Variants in ABR observed in about 807,000 individuals in gnomAD.
ABR encodes ABR activator of RhoGEF and GTPase, also known as active breakpoint cluster region-related protein.
Under a neutral mutation model 107.2 loss-of-function variants are expected in ABR, and 35 were observed. That is an observed-to-expected ratio of 0.33 (90% CI 0.25 to 0.43). The LOEUF (loss-of-function observed/expected upper bound fraction) is 0.43. ABR is among the 20% of genes least tolerant of loss of function. The probability of loss-of-function intolerance (pLI) is 1.00; values close to 1 mark genes in which losing one functional copy is unlikely to be tolerated. For synonymous variants in ABR, 498 were observed against 462.0 expected, an observed-to-expected ratio of 1.08 and a Z score of -1.00; for missense variants, 815 against 1,115.2, an observed-to-expected ratio of 0.73 and a Z score of 3.83.
chr17:1,204,257 C>T (rs955008518), intron 1 of ABR, among the ~76,000 whole-genome samples: 1 of 152,216 alleles, frequency 6.6e-6, no homozygotes, highest in Non-Finnish European at 1.5e-5. Flanking sequence ...CCAGCCTGGA[C>T]GGCATGGTGA....
intron 1 of ABR, among the ~76,000 whole-genome samples, chr17:1,133,595 T>C (rs1353515371): frequency 1.3e-5 from 2 of 152,090 alleles, no homozygotes; most frequent in African/African-American, 4.8e-5. Context: ...AGTAAAAACA[T>C]ACGTGCATAG....
chr17:1,086,216 T>C (rs2036581874), intron 4 of ABR, among the ~76,000 whole-genome samples: 1 of 152,172 alleles, frequency 6.6e-6, no homozygotes, highest in Non-Finnish European at 1.5e-5. Flanking sequence ...CTATTTCCAT[T>C]AGACAGCAGT....
chr17:1,058,070 G>T (rs749183426), intron 11 of ABR, 25 bp from the exon 12 acceptor site: 3 of 1,589,748 alleles, frequency 1.9e-6, no homozygotes, highest in Non-Finnish European at 2.6e-6. Context: ...TAAGCATAAA[G>T]TGGGTGACCA....
At position 1,005,751 on chromosome 17, in the gene ABR, C is replaced by T. The variant is rs577039680; in HGVS notation, c.*329G>A. ...TGCTGGAGGAAATGAAAGAACAAAG[C>T]GGGCTGTCTGTGTGCCCACGCCGGG... On this transcript the variant is annotated 3_prime_UTR_variant, in exon 23 of 23. Coordinates refer to ENST00000302538, the MANE Select transcript of ABR (RefSeq NM_021962.5). 1.6e-4 allele frequency: 59 copies of T among 371,748 alleles called. No individual in the cohort carries two copies. The highest frequency in any genetic ancestry group is 9.8e-4 in the African/African-American group (47 of 47,964). 23.0% of individuals were successfully genotyped at this position (371,748 alleles called of 1,614,324 possible).
intron 1 of ABR, among the ~76,000 whole-genome samples, chr17:1,204,901 C>CTTTTTTTTTTTTTTTTTT (rs869034249): frequency 6.2e-5 from 2 of 32,118 alleles, no homozygotes; most frequent in African/African-American, 2.2e-4. Flanking sequence ...TTTTCTTTTT[C>CTTTTTTTTTTTTTTTTTT]TTTTTTTTTT....
rs796557931 is a variant in ABR at position 1,034,785 on chromosome 17, A to G, written c.1791+15265T>C. On this transcript the variant is annotated intron_variant, in intron 16 of 22. Coordinates refer to ENST00000302538, the MANE Select transcript of ABR (RefSeq NM_021962.5). Reference sequence around the variant, plus strand: ...TTCAGAATCGGCCCCTCACTGGCCTATGGTCCCCTTCCCTCGGGCTGGGTC... The same window carrying G: ...TTCAGAATCGGCCCCTCACTGGCCTGTGGTCCCCTTCCCTCGGGCTGGGTC... Among the ~76,000 whole-genome samples the G allele has an allele frequency of 7.9e-5, 12 of 152,202 alleles. 2 individuals are homozygous for G. The highest frequency in any genetic ancestry group is 2.9e-4 in the African/African-American group (12 of 41,522).
intron 16 of ABR, among the ~76,000 whole-genome samples, chr17:1,047,987 C>G (rs1006108526): frequency 1.3e-5 from 2 of 152,242 alleles, no homozygotes; most frequent in Admixed American, 1.3e-4. Flanking sequence ...CCACCAGTGG[C>G]CCAGGGAGTG....
At chr17:1,208,766 T>C (rs1488790941) in intron 1 of ABR, among the ~76,000 whole-genome samples, 5 of 151,856 alleles carry the variant, frequency 3.3e-5, no homozygotes, top group Admixed American at 6.6e-5. Flanking sequence ...CGGGCGCCTG[T>C]AGTCCCAGCT....
intron 1 of ABR, among the ~76,000 whole-genome samples, chr17:1,171,101 T>C (rs994124287): frequency 4.6e-5 from 7 of 152,152 alleles, no homozygotes; most frequent in African/African-American, 1.7e-4. Context: ...CTCAAAAAGA[T>C]GACGTATGGG....
Position 1,071,451 on chromosome 17 carries a change from G to T in ABR, c.894+1163C>A, listed in dbSNP as rs935703726. Among the ~76,000 whole-genome samples, 3 of 152,156 alleles carry T rather than the reference G, an allele frequency of 2.0e-5. No homozygotes were observed. Among genetic ancestry groups the T allele is most frequent in the Non-Finnish European group, 2.9e-5 (2 of 68,032 alleles). ...CCCTGGACAGGAAGCCTTTCACCCG[G>T]GCCCGGCTGCCAATCCACGAAGGCA... On this transcript the variant is annotated intron_variant, in intron 8 of 22. Transcript: ENST00000302538. This position sits in a 1 kb window ranked among gnomAD's most constrained non-coding sequence, Gnocchi z 5.1.
intron 6 of ABR, chr17:1,079,013 G>A: frequency 6.8e-7 from 1 of 1,460,400 alleles, no homozygotes; most frequent in Non-Finnish European, 9.0e-7. Context: ...GCAAGGGGGA[G>A]GGGAGGGAGG....
chr17:1,013,118 A>G lies in ABR; in HGVS notation c.1838T>C (p.Ile613Thr). Residue 613 changes from isoleucine (I) to threonine (T), a missense_variant, in exon 17 of 23, where the codon ATT becomes ACT. Physicochemically the swap from Ile to Thr is moderately conservative, Grantham distance 89. Around this residue, in one of 5 missense-constraint regions of ABR, gnomAD observed 92 missense variants for 82.3 expected, o/e 1.12. Coordinates refer to ENST00000302538, the MANE Select transcript of ABR (RefSeq NM_021962.5). Reference sequence around the variant, plus strand: ...TCCCCGGCTCACCCCGTTCATCTCAATCACGTCCGTGTGCCAGTTCTTGGT... The same window carrying G: ...TCCCCGGCTCACCCCGTTCATCTCAGTCACGTCCGTGTGCCAGTTCTTGGT... ...VETKNWHTDV[I>T]EMNGIKVEFS... 1 of 1,614,014 alleles carries G rather than the reference A, an allele frequency of 6.2e-7. No individual in the cohort carries two copies. The highest frequency in any genetic ancestry group is 8.5e-7 in the Non-Finnish European group (1 of 1,179,964).
chr17:1,186,659 C>A (rs748560327), intron 1 of ABR: 1 of 152,362 alleles, frequency 6.6e-6, no homozygotes, highest in Non-Finnish European at 1.5e-5. Flanking sequence ...TTAGGAGGGT[C>A]TCTCGCCAAG....
chr17:1,185,559 C>T (rs2042260898), intron 1 of ABR, among the ~76,000 whole-genome samples: 1 of 149,254 alleles, frequency 6.7e-6, no homozygotes, highest in Non-Finnish European at 1.5e-5. Flanking sequence ...GCAGGAGAAT[C>T]GCTTGAACCT....
chr17:1,134,740 G>T (rs543026554), intron 1 of ABR, among the ~76,000 whole-genome samples: 1 of 152,218 alleles, frequency 6.6e-6, no homozygotes, highest in Admixed American at 6.5e-5. Flanking sequence ...TTGGTGCCAC[G>T]CTAAGGAAGA....
intron 1 of ABR, among the ~76,000 whole-genome samples, chr17:1,143,937 C>T (rs1002438521): frequency 2.6e-5 from 4 of 152,080 alleles, no homozygotes; most frequent in Non-Finnish European, 5.9e-5. Context: ...GGTGAGCCCA[C>T]GGCCAGGATC....
rs1357221742 is a variant in ABR at position 1,073,613 on chromosome 17, C to G, written c.753+12G>C. ...TAAGCCCTCTCTGGCCATTCGGAGGCTTGACACTCACGTGTAGGACTAGGG... is the reference window on the plus strand; with the variant it reads ...TAAGCCCTCTCTGGCCATTCGGAGGGTTGACACTCACGTGTAGGACTAGGG... On this transcript the variant is annotated intron_variant, in intron 7 of 22. Coordinates refer to ENST00000302538, the MANE Select transcript of ABR (RefSeq NM_021962.5). The G allele has an allele frequency of 6.4e-7, 1 of 1,572,828 alleles. No individual in the cohort carries two copies. Among genetic ancestry groups the G allele is most frequent in the South Asian group, 1.2e-5 (1 of 85,422 alleles).
intron 16 of ABR, among the ~76,000 whole-genome samples, chr17:1,024,012 G>A (rs372061528): frequency 0.013 from 1,267 of 100,442 alleles, 32 homozygotes; most frequent in South Asian, 0.1. Flanking sequence ...GCGACAGAGC[G>A]AGACTCCATC....
intron 13 of ABR, among the ~76,000 whole-genome samples, 180 bp from the exon 14 acceptor site, chr17:1,056,289 C>T (rs527396730): frequency 1.4e-4 from 21 of 152,126 alleles, no homozygotes; most frequent in Admixed American, 3.3e-4. Context: ...GTGAGCTGCC[C>T]GGGGTAGGGC....
Sources: gnomAD v4.1 joint callset for allele counts (sites outside exome capture counted in the v4.1 genomes callset) on GRCh38, gnomAD v4.1.1 for gene constraint, gnomAD v4.1.1 regional missense constraint, Gnocchi (gnomAD v3.1) non-coding constraint, MANE v1.5 for transcripts, NCBI Gene and HGNC (gene_info 2026-07-23, HGNC 2026-07-21) for gene names.